The following RORA variants were observed in gnomAD, a reference collection of about 807,000 sequenced individuals.
The protein encoded by RORA is nuclear receptor ROR-alpha.
RORA carries 7 observed loss-of-function variants against 69.5 expected under a neutral mutation model. That is an observed-to-expected ratio of 0.10 (90% CI 0.06 to 0.19). RORA has a LOEUF of 0.19. Among genes scored for constraint, RORA ranks in the 10% least tolerant of loss-of-function variants. The pLI, the probability that RORA is intolerant of heterozygous loss-of-function variation, is 1.00. For missense variants in RORA, 457 were observed against 663.0 expected, an observed-to-expected ratio of 0.69 and a Z score of 3.41; for synonymous variants, 261 against 240.8, an observed-to-expected ratio of 1.08 and a Z score of -0.78.
In RORA at chr15:60,755,696, C is replaced by G. The variant is rs369972765; in HGVS notation, c.167-77010G>C. On this transcript the variant is annotated intron_variant, in intron 1 of 10. Coordinates refer to ENST00000335670, the MANE Select transcript of RORA (RefSeq NM_134261.3). ...CCCATAGCATTTTCCACAAACCCAACACATAGAAGCTGTTCAAGAAATGGT... is the reference window on the plus strand; with the variant it reads ...CCCATAGCATTTTCCACAAACCCAAGACATAGAAGCTGTTCAAGAAATGGT... Among the ~76,000 whole-genome samples the G allele has an allele frequency of 1.2e-4, 19 of 152,312 alleles. No individual in the cohort carries two copies. In the East Asian group the frequency reaches 3.5e-3, roughly 28 times the overall value.
At chr15:60,896,746 T>TTTTC (rs1555460960) in intron 1 of RORA, among the ~76,000 whole-genome samples, 1 of 148,278 alleles carries the variant, frequency 6.7e-6, no homozygotes, top group Non-Finnish European at 1.5e-5. Context: ...TTTTTTTTTT[T>TTTTC]TTTTTGGCTG....
At chr15:61,063,222 C>T (rs1346122098) in intron 1 of RORA, among the ~76,000 whole-genome samples, 1 of 152,154 alleles carries the variant, frequency 6.6e-6, no homozygotes, top group Non-Finnish European at 1.5e-5. Context: ...TGCTGATGTT[C>T]CTAACTACAA....
At chr15:60,645,245 A>C (rs2070018810) in intron 2 of RORA, among the ~76,000 whole-genome samples, 1 of 151,746 alleles carries the variant, frequency 6.6e-6, no homozygotes, top group Non-Finnish European at 1.5e-5. Context: ...GAGAGAAGGA[A>C]GGAGGAGAGG....
intron 1 of RORA, among the ~76,000 whole-genome samples, chr15:61,019,211 G>A (rs1895415377): frequency 6.6e-6 from 1 of 152,180 alleles, no homozygotes; most frequent in Non-Finnish European, 1.5e-5. Context: ...CAGCTCCTCT[G>A]AAATTGATAT....
intron 1 of RORA, among the ~76,000 whole-genome samples, chr15:60,956,519 T>G (rs1893272344): frequency 6.6e-6 from 1 of 152,182 alleles, no homozygotes. Flanking sequence ...TATAGGAGCT[T>G]TGAACCAAAC....
chr15:61,178,047 T>A (rs547458979), intron 1 of RORA, among the ~76,000 whole-genome samples: 1 of 152,142 alleles, frequency 6.6e-6, no homozygotes, highest in Admixed American at 6.5e-5. Context: ...GGGAGGCAGA[T>A]AAAAACCTTC....
intron 1 of RORA, among the ~76,000 whole-genome samples, chr15:60,907,589 G>C (rs2140474985): frequency 6.6e-6 from 1 of 152,306 alleles, no homozygotes; most frequent in East Asian, 1.9e-4. Flanking sequence ...ATTTAACACA[G>C]CAATACTTTC....
intron 1 of RORA, among the ~76,000 whole-genome samples, chr15:60,785,853 TA>T (rs1198722321): frequency 6.6e-6 from 1 of 152,252 alleles, no homozygotes; most frequent in East Asian, 1.9e-4. Flanking sequence ...GTTGTTGTTT[TA>T]CATTGATTTG....
At chr15:60,683,186 T>A (rs1409483031) in intron 1 of RORA, among the ~76,000 whole-genome samples, 3 of 152,102 alleles carry the variant, frequency 2.0e-5, no homozygotes, top group African/African-American at 4.8e-5. Flanking sequence ...AATTTTTACT[T>A]TTTTTGTAGA....
At chr15:60,879,469 T>C (rs2073655254) in intron 1 of RORA, among the ~76,000 whole-genome samples, 1 of 152,182 alleles carries the variant, frequency 6.6e-6, no homozygotes, top group African/African-American at 2.4e-5. Context: ...CTCGTGTTAG[T>C]GTTACTTAGA....
In RORA at chr15:60,515,965, ATATATATT is replaced by A. The variant is rs2065871604; in HGVS notation, c.283-1216_283-1209del. 5.6e-4 allele frequency among the ~76,000 whole-genome samples: 13 copies of A among 23,026 alleles called. 2 individuals carry two copies. The highest frequency in any genetic ancestry group is 4.2e-3 in the South Asian group (3 of 716). 15.1% of individuals were successfully genotyped at this position (23,026 alleles called of 152,430 possible). A position where few individuals can be genotyped will look rare whatever the true frequency, so the allele number is the denominator to read the frequency against. On this transcript the variant is annotated intron_variant, in intron 3 of 10. Transcript: ENST00000335670. ...TATATATATTTATATATTTATATTTATATATATTTATATATTTATATATATTTATATAT... is the reference window on the plus strand; with the variant it reads ...TATATATATTTATATATTTATATTTATATATATTTATATATATTTATATAT...
At chr15:60,850,455 G>A (rs532641473) in intron 1 of RORA, among the ~76,000 whole-genome samples, 1 of 152,230 alleles carries the variant, frequency 6.6e-6, no homozygotes, top group African/African-American at 2.4e-5. Flanking sequence ...CATGACTCCT[G>A]GGGAGGTTAC....
At chr15:60,615,910 C>T (rs1352969729) in intron 2 of RORA, among the ~76,000 whole-genome samples, 1 of 152,142 alleles carries the variant, frequency 6.6e-6, no homozygotes, top group African/African-American at 2.4e-5. Flanking sequence ...CACCCATGTG[C>T]CCCAGCTCTT....
intron 1 of RORA, among the ~76,000 whole-genome samples, chr15:60,690,541 C>A (rs920405481): frequency 2.0e-5 from 3 of 152,314 alleles, no homozygotes; most frequent in Admixed American, 1.3e-4. Flanking sequence ...CAGCTTCTAC[C>A]TCATATAAGT....
intron 1 of RORA, among the ~76,000 whole-genome samples, chr15:61,200,276 C>T (rs2079883257): frequency 6.6e-6 from 1 of 152,140 alleles, no homozygotes; most frequent in Non-Finnish European, 1.5e-5. Context: ...CGAGTAGGGA[C>T]GTGCAGGCAC....
intron 1 of RORA, among the ~76,000 whole-genome samples, chr15:61,224,668 G>T (rs1464872887): frequency 6.6e-6 from 1 of 152,196 alleles, no homozygotes; most frequent in East Asian, 1.9e-4. Context: ...TGTCTCACTC[G>T]AATTCCAAAG....
At chr15:60,733,114 G>A (rs1247237597) in intron 1 of RORA, among the ~76,000 whole-genome samples, 1 of 152,144 alleles carries the variant, frequency 6.6e-6, no homozygotes, top group African/African-American at 2.4e-5. Context: ...TCATAAGTTG[G>A]AGACTCAATT....
chr15:60,536,215 C>A (rs2141473625), intron 2 of RORA, among the ~76,000 whole-genome samples: 1 of 152,344 alleles, frequency 6.6e-6, no homozygotes, highest in East Asian at 1.9e-4. Flanking sequence ...ACATAAATGA[C>A]ATACCATATA....
chr15:61,146,293 C>G (rs944215852), intron 1 of RORA, among the ~76,000 whole-genome samples: 7 of 149,918 alleles, frequency 4.7e-5, no homozygotes, highest in African/African-American at 1.5e-4. Context: ...CACTGCCGAC[C>G]ATCTGTTGTC....
Sources: allele counts gnomAD v4.1 joint callset (sites outside exome capture counted in the v4.1 genomes callset), GRCh38; gene constraint gnomAD v4.1.1; transcripts MANE v1.5; gene names NCBI Gene and HGNC (gene_info 2026-07-23, HGNC 2026-07-21).